The following PPP1R16B variants were observed in gnomAD, a reference collection of about 807,000 sequenced individuals.
The protein encoded by PPP1R16B is protein phosphatase 1 regulatory inhibitor subunit 16B.
Under a neutral mutation model 61.7 loss-of-function variants are expected in PPP1R16B, and 14 were observed. That is an observed-to-expected ratio of 0.23 (90% CI 0.15 to 0.35). The LOEUF (loss-of-function observed/expected upper bound fraction) is 0.35, where lower values mean the gene tolerates loss of function less well. Ranked by LOEUF, PPP1R16B falls within the 10% of genes least tolerant of loss-of-function variation. The pLI, the probability that PPP1R16B is intolerant of heterozygous loss-of-function variation, is 1.00. For missense variants in PPP1R16B, 547 were observed against 752.5 expected, an observed-to-expected ratio of 0.73 and a Z score of 3.19; for synonymous variants, 266 against 305.3, an observed-to-expected ratio of 0.87 and a Z score of 1.34.
At chr20:38,836,253 T>C (rs576196258) in intron 2 of PPP1R16B, 78 bp downstream of exon 2, 2 of 1,534,384 alleles carry the variant, frequency 1.3e-6, no homozygotes, top group South Asian at 1.3e-5. Context: ...TTCTGTGCAG[T>C]AGACGTGTGG....
intron 6 of PPP1R16B, among the ~76,000 whole-genome samples, chr20:38,903,990 G>C (rs1180912655): frequency 1.3e-5 from 2 of 152,200 alleles, no homozygotes; most frequent in African/African-American, 4.8e-5. Flanking sequence ...GAGCTCACTA[G>C]ATAGGGCTCA....
chr20:38,827,317 A>G (rs1257080075), intron 1 of PPP1R16B, among the ~76,000 whole-genome samples: 2 of 152,168 alleles, frequency 1.3e-5, no homozygotes, highest in Non-Finnish European at 2.9e-5. Flanking sequence ...TAGGTCTGTT[A>G]TTGTTCCACT....
chr20:38,899,333 A>G (rs1427755768), intron 4 of PPP1R16B, among the ~76,000 whole-genome samples: 1 of 152,190 alleles, frequency 6.6e-6, no homozygotes, highest in African/African-American at 2.4e-5. Context: ...TGATGGTGCT[A>G]AGAGGACAAG....
chr20:38,893,680 A>C (rs1028637136), intron 3 of PPP1R16B, among the ~76,000 whole-genome samples: 2 of 151,870 alleles, frequency 1.3e-5, no homozygotes, highest in Non-Finnish European at 2.9e-5. Flanking sequence ...ACCAGCTACC[A>C]CCCACTCCAT....
At chr20:38,809,141 C>G (rs1325153335) in intron 1 of PPP1R16B, among the ~76,000 whole-genome samples, 1 of 152,018 alleles carries the variant, frequency 6.6e-6, no homozygotes, top group Non-Finnish European at 1.5e-5. Flanking sequence ...GTGTTGGACT[C>G]TCAAAGGTCC....
chr20:38,851,219 C>T (rs1601255935), intron 2 of PPP1R16B, among the ~76,000 whole-genome samples: 1 of 150,468 alleles, frequency 6.6e-6, no homozygotes, highest in Non-Finnish European at 1.5e-5. Context: ...AATCCCAGCA[C>T]TTTGGGAGGC....
chr20:38,899,296 A>G (rs73108583), intron 4 of PPP1R16B, among the ~76,000 whole-genome samples: 29,610 of 152,102 alleles, frequency 0.19, 3,003 homozygotes, highest in East Asian at 0.32. Context: ...TTCTGCTAGG[A>G]GCATCAGATG....
chr20:38,879,655 G>A lies in PPP1R16B; in HGVS notation c.251-9940G>A, dbSNP rs144708268. ...ATAAGAAGACAGACACGAGTTGCCCGCATAGAGCTTATATCCTAAAGGGTG... is the reference window on the plus strand; with the variant it reads ...ATAAGAAGACAGACACGAGTTGCCCACATAGAGCTTATATCCTAAAGGGTG... On this transcript the variant is annotated intron_variant, in intron 2 of 10. Transcript: ENST00000299824. 5.9e-5 allele frequency among the ~76,000 whole-genome samples: 9 copies of A among 152,282 alleles called. No individual in the cohort carries two copies. In the East Asian group the frequency reaches 1.5e-3, roughly 26 times the overall value.
At chr20:38,807,330 A>C (rs1332591758) in intron 1 of PPP1R16B, among the ~76,000 whole-genome samples, 1 of 152,158 alleles carries the variant, frequency 6.6e-6, no homozygotes, top group Non-Finnish European at 1.5e-5. Context: ...TACGGGGCTA[A>C]CAGCCGCCAG....
intron 6 of PPP1R16B, 113 bp from the exon 7 acceptor site, chr20:38,905,856 T>G: frequency 9.2e-7 from 1 of 1,089,862 alleles, no homozygotes; most frequent in Non-Finnish European, 1.3e-6. Context: ...TTCATTCTAT[T>G]CCATTCTACT....
At chr20:38,829,695 C>T (rs774697397) in intron 1 of PPP1R16B, among the ~76,000 whole-genome samples, 3 of 152,230 alleles carry the variant, frequency 2.0e-5, no homozygotes, top group Non-Finnish European at 2.9e-5. Context: ...CCATGGCTGC[C>T]GTGGGCTGCC....
intron 2 of PPP1R16B, among the ~76,000 whole-genome samples, chr20:38,888,929 C>CA (rs2085269379): frequency 2.5e-5 from 3 of 121,416 alleles, no homozygotes; most frequent in African/African-American, 6.2e-5. Flanking sequence ...ACACACACAC[C>CA]CCTAGACAAA....
At chr20:38,879,057 A>G (rs1300206242) in intron 2 of PPP1R16B, among the ~76,000 whole-genome samples, 1 of 152,220 alleles carries the variant, frequency 6.6e-6, no homozygotes, top group East Asian at 1.9e-4. Flanking sequence ...AAGGGAGATC[A>G]GGTCCCTAGG....
At chr20:38,875,922 G>A (rs1241050852) in intron 2 of PPP1R16B, among the ~76,000 whole-genome samples, 2 of 151,154 alleles carry the variant, frequency 1.3e-5, no homozygotes, top group Non-Finnish European at 2.9e-5. Context: ...TCCTACCAGG[G>A]ACCAGGAGAC....
chr20:38,907,369 G>A lies in PPP1R16B; in HGVS notation c.898+315G>A, dbSNP rs1364764120. On this transcript the variant is annotated intron_variant, in intron 8 of 10. Transcript: ENST00000299824. The surrounding 1 kb of genome is among the most constrained non-coding windows in gnomAD (Gnocchi z 4.5). ...TGGATAGACAGAAAAATAAGTGGAT[G>A]AGTGGGTAAAGGATGAATCTATGAA... is the stretch of plus-strand genomic sequence containing the variant. 6.6e-6 allele frequency among the ~76,000 whole-genome samples: 1 copy of A among 152,130 alleles called. No homozygotes were observed. The highest frequency in any genetic ancestry group is 1.5e-5 in the Non-Finnish European group (1 of 68,016).
intron 2 of PPP1R16B, among the ~76,000 whole-genome samples, chr20:38,849,458 G>A (rs998321043): frequency 5.3e-5 from 8 of 151,922 alleles, no homozygotes; most frequent in Admixed American, 4.6e-4. Context: ...CTCTGTCTAC[G>A]TTCTTCCCAA....
intron 6 of PPP1R16B, among the ~76,000 whole-genome samples, chr20:38,903,731 A>T (rs916355720): frequency 6.6e-6 from 1 of 152,194 alleles, no homozygotes; most frequent in African/African-American, 2.4e-5. Context: ...TTCTCTCTCA[A>T]ATCCGCCTGG....
rs11470382 is a variant in PPP1R16B at position 38,907,311 on chromosome 20, G to GTGGATGGA, written c.898+287_898+294dup. Among the ~76,000 whole-genome samples, 2 of 150,562 alleles carry GTGGATGGA rather than the reference G, an allele frequency of 1.3e-5. No homozygotes were observed. The highest frequency in any genetic ancestry group is 1.5e-5 in the Non-Finnish European group (1 of 67,666). On this transcript the variant is annotated intron_variant, in intron 8 of 10. Coordinates refer to ENST00000299824, the MANE Select transcript of PPP1R16B (RefSeq NM_015568.4). The surrounding 1 kb of genome is among the most constrained non-coding windows in gnomAD (Gnocchi z 4.5). ...TCTGGTTGAATGGATGGGTGGGTGG[G>GTGGATGGA]TGGATGGATGGATGGATGGATGGAT...
chr20:38,876,374 G>A (rs2085166848), intron 2 of PPP1R16B, among the ~76,000 whole-genome samples: 1 of 152,098 alleles, frequency 6.6e-6, no homozygotes, highest in Non-Finnish European at 1.5e-5. Flanking sequence ...TGGCCATATG[G>A]TCTCTGTCTA....
Sources: allele counts gnomAD v4.1 joint callset (sites outside exome capture counted in the v4.1 genomes callset), GRCh38; gene constraint gnomAD v4.1.1; non-coding constraint Gnocchi (gnomAD v3.1); transcripts MANE v1.5; gene names NCBI Gene and HGNC (gene_info 2026-07-23, HGNC 2026-07-21).